NUP210L: variants seen among roughly 807,000 people sequenced by gnomAD.
The protein encoded by NUP210L is nucleoporin 210 like.
Under a neutral mutation model 208.5 loss-of-function variants are expected in NUP210L, and 74 were observed. The observed-to-expected ratio is 0.35, with a 90% CI of 0.29 to 0.43. The LOEUF is 0.43. Ranked by LOEUF, NUP210L falls within the 20% of genes least tolerant of loss-of-function variation. NUP210L has a pLI of 1.00. For missense variants in NUP210L, 1,843 were observed against 2,289.4 expected, an observed-to-expected ratio of 0.81 and a Z score of 3.98; for synonymous variants, 780 against 816.9, an observed-to-expected ratio of 0.95 and a Z score of 0.77.
At chr1:154,020,872 G>C (rs527699850) in intron 32 of NUP210L, among the ~76,000 whole-genome samples, 1 of 152,098 alleles carries the variant, frequency 6.6e-6, no homozygotes, top group African/African-American at 2.4e-5. Context: ...ATGTTGGCCA[G>C]GCTGGTCTTG....
intron 33 of NUP210L, among the ~76,000 whole-genome samples, chr1:154,018,635 AAC>A (rs1360842588): frequency 6.6e-6 from 1 of 152,168 alleles, no homozygotes; most frequent in Non-Finnish European, 1.5e-5. Flanking sequence ...CTGATCTGCC[AAC>A]ATATGTCACC....
At chr1:154,102,883 A>C (rs1014611248) in intron 13 of NUP210L, among the ~76,000 whole-genome samples, 5 of 152,180 alleles carry the variant, frequency 3.3e-5, no homozygotes, top group Non-Finnish European at 7.3e-5. Flanking sequence ...GGGAAGAAAG[A>C]AGAAAAGAGC....
intron 15 of NUP210L, among the ~76,000 whole-genome samples, chr1:154,094,407 G>A (rs1249440621): frequency 1.3e-5 from 2 of 152,124 alleles, no homozygotes; most frequent in Non-Finnish European, 2.9e-5. Context: ...GCAGTGAGCC[G>A]AGATCGTGCC....
At chr1:154,072,852 T>C (rs1292705483) in intron 16 of NUP210L, among the ~76,000 whole-genome samples, 2 of 152,164 alleles carry the variant, frequency 1.3e-5, no homozygotes, top group African/African-American at 4.8e-5. Context: ...CTTCTAGACT[T>C]TGGCTTAGGC....
exon 25 of NUP210L, chr1:154,054,405 T>C: frequency 6.2e-7 from 1 of 1,613,942 alleles, no homozygotes; most frequent in Non-Finnish European, 8.5e-7. Context: ...CTTCAGACAT[T>C]ACCTGGAATT....
chr1:154,009,681 A>T (rs934277942), intron 35 of NUP210L, among the ~76,000 whole-genome samples: 1 of 148,018 alleles, frequency 6.8e-6, no homozygotes, highest in Non-Finnish European at 1.5e-5. Flanking sequence ...AGTCCTAGCT[A>T]CTCAGGAGGC....
chr1:154,111,196 T>A lies in NUP210L; in HGVS notation c.1620+6529A>T, dbSNP rs547411525. On this transcript the variant is annotated intron_variant, in intron 12 of 39. Transcript: ENST00000368559. ...TCAGGAGTTTGAGACCAGCCCGGCC[T>A]ACATGGTGAAACCCTATCTGTACTA... 8.5e-4 allele frequency among the ~76,000 whole-genome samples: 129 copies of A among 151,200 alleles called. 2 individuals are homozygous for A. The highest frequency in any genetic ancestry group is 2.5e-3 in the African/African-American group (103 of 40,804).
In NUP210L at chr1:154,154,780, C is replaced by A. The variant is rs1169673698; in HGVS notation, c.203+62G>T. ...TTCCTGTGGGATCTTACAGAGGGAA[C>A]CCCCCTCACCCTTACTGGATGGTAG... On this transcript the variant is annotated intron_variant, in intron 1 of 39. Coordinates refer to ENST00000368559, the Ensembl canonical transcript of NUP210L. 5 of 1,334,804 alleles carry A rather than the reference C, an allele frequency of 3.7e-6. No individual in the cohort carries two copies. In the African/African-American group the frequency reaches 5.8e-5, roughly 15 times the overall value. The allele number at this position is 1,334,804 out of a possible 1,614,324, so 82.7% of individuals were successfully genotyped here.
At chr1:154,013,559 G>C (rs1286888623) in intron 33 of NUP210L, among the ~76,000 whole-genome samples, 3 of 151,340 alleles carry the variant, frequency 2.0e-5, no homozygotes, top group African/African-American at 7.3e-5. Flanking sequence ...GGGCGACAGA[G>C]TGAGACTCCA....
intron 12 of NUP210L, among the ~76,000 whole-genome samples, chr1:154,114,303 T>C (rs1306648883): frequency 6.6e-5 from 10 of 152,018 alleles, no homozygotes; most frequent in Admixed American, 6.6e-4. Context: ...AATTAATAAA[T>C]AAAATAAAAT....
At chr1:154,006,019 G>A (rs965320788) in intron 35 of NUP210L, among the ~76,000 whole-genome samples, 1 of 151,836 alleles carries the variant, frequency 6.6e-6, no homozygotes, top group African/African-American at 2.4e-5. Context: ...ACCGCGCCCC[G>A]CCCTAATTTT....
intron 27 of NUP210L, among the ~76,000 whole-genome samples, chr1:154,030,896 T>A (rs1235809136): frequency 1.3e-5 from 2 of 151,988 alleles, no homozygotes; most frequent in Non-Finnish European, 2.9e-5. Flanking sequence ...CATGTGCCAA[T>A]TAGTCCAGCT....
chr1:154,017,317 T>C (rs545432124), intron 33 of NUP210L, among the ~76,000 whole-genome samples: 1 of 151,750 alleles, frequency 6.6e-6, no homozygotes, highest in South Asian at 2.1e-4. Context: ...TCAGGTCACT[T>C]TGCTGAAGCT....
intron 2 of NUP210L, among the ~76,000 whole-genome samples, chr1:154,151,121 G>A (rs1476623079): frequency 2.0e-5 from 3 of 151,956 alleles, no homozygotes; most frequent in African/African-American, 7.3e-5. Context: ...ATATCAGAAT[G>A]AATTTGTGTA....
intron 2 of NUP210L, 140 bp downstream of exon 2, chr1:154,152,596 G>C: frequency 1.4e-6 from 1 of 718,782 alleles, no homozygotes; most frequent in South Asian, 2.1e-5. Flanking sequence ...AAAGGCGTGA[G>C]CCACTGCAGC....
intron 16 of NUP210L, among the ~76,000 whole-genome samples, chr1:154,074,740 C>T (rs557914222): frequency 7.9e-5 from 12 of 152,286 alleles, no homozygotes; most frequent in Non-Finnish European, 1.6e-4. Flanking sequence ...CTACCTGCTT[C>T]GGCCTCCCAA....
Position 154,046,245 on chromosome 1 carries a change from C to T in NUP210L, c.3564+44G>A, listed in dbSNP as rs1653170564. Reference sequence around the variant, plus strand: ...TTGTGCTATATATTCTGCCCAGTTGCAATTATCAGAATAATGAGCCCTGAA... The same window carrying T: ...TTGTGCTATATATTCTGCCCAGTTGTAATTATCAGAATAATGAGCCCTGAA... On this transcript the variant is annotated intron_variant, in intron 26 of 39. Transcript: ENST00000368559. 2.5e-6 allele frequency: 4 copies of T among 1,613,990 alleles called. No homozygotes were observed. The East Asian group carries it at 6.7e-5, about 27-fold the overall frequency.
chr1:154,022,050 G>T, intron 32 of NUP210L, 76 bp downstream of exon 32: 3 of 1,301,162 alleles, frequency 2.3e-6, no homozygotes, highest in Non-Finnish European at 3.3e-6. Flanking sequence ...ATTAATAACT[G>T]CTTTTTTTTT....
At chr1:153,994,396 C>A (rs1317160650) in intron 38 of NUP210L, among the ~76,000 whole-genome samples, 1 of 151,948 alleles carries the variant, frequency 6.6e-6, no homozygotes, top group Non-Finnish European at 1.5e-5. Context: ...CTCACTGCAA[C>A]CTGTGTCTCC....
Sources: allele counts gnomAD v4.1 joint callset (sites outside exome capture counted in the v4.1 genomes callset), GRCh38; gene constraint gnomAD v4.1.1; transcripts MANE v1.5; gene names NCBI Gene and HGNC (gene_info 2026-07-23, HGNC 2026-07-21).